DOCK8: variants seen among roughly 807,000 people sequenced by gnomAD.
DOCK8 encodes dedicator of cytokinesis protein 8.
A neutral mutation model predicts 245.6 loss-of-function variants in DOCK8; 141 were observed. The observed-to-expected ratio is 0.57, with a 90% CI of 0.50 to 0.66. The LOEUF is 0.66. Ranked by LOEUF, DOCK8 falls within the 30% of genes least tolerant of loss-of-function variation. DOCK8 has a pLI of 0.00. For missense variants in DOCK8, 2,965 were observed against 2,603.4 expected, an observed-to-expected ratio of 1.14 and a Z score of -3.02; for synonymous variants, 1,168 against 970.2, an observed-to-expected ratio of 1.20 and a Z score of -3.79.
chr9:243,508 C>G (rs1284079839), intron 1 of DOCK8, among the ~76,000 whole-genome samples: 1 of 152,156 alleles, frequency 6.6e-6, no homozygotes, highest in African/African-American at 2.4e-5. Context: ...TTCTTGGCCT[C>G]TTTGCTGAGA....
At chr9:357,954 A>G (rs971328984) in intron 14 of DOCK8, among the ~76,000 whole-genome samples, 12 of 152,352 alleles carry the variant, frequency 7.9e-5, no homozygotes, top group Middle Eastern at 3.4e-3. Flanking sequence ...TATCTAACCT[A>G]AAACATTGGA....
chr9:226,293 G>GA (rs2046988626), intron 1 of DOCK8, among the ~76,000 whole-genome samples: 1 of 152,136 alleles, frequency 6.6e-6, no homozygotes, highest in African/African-American at 2.4e-5. Flanking sequence ...ATAGCATGAG[G>GA]AAAAACCTGC....
intron 5 of DOCK8, among the ~76,000 whole-genome samples, chr9:311,470 C>G (rs2050109762): frequency 6.8e-6 from 1 of 147,396 alleles, no homozygotes; most frequent in African/African-American, 2.5e-5. Flanking sequence ...CCAGGCTAGT[C>G]TTGAACTCCC....
At chr9:417,787 G>T (rs985977346) in intron 29 of DOCK8, among the ~76,000 whole-genome samples, 1 of 152,172 alleles carries the variant, frequency 6.6e-6, no homozygotes, top group Non-Finnish European at 1.5e-5. Context: ...AATAGAGAAT[G>T]AAGTTTAAAA....
chr9:307,329 GTTTTTTTTGTTTTTTTTTTTTTTTTTT>G (rs2049883872), intron 5 of DOCK8, among the ~76,000 whole-genome samples: 2 of 75,144 alleles, frequency 2.7e-5, no homozygotes, highest in South Asian at 5.4e-4. Context: ...GTTGTGTGTG[GTTTTTTTTGTTTTTTTTTTTTTTTTTT>G]TTTTTTTTTT....
At position 371,169 on chromosome 9, in the gene DOCK8, AGTT is replaced by A. The variant is rs980616747; in HGVS notation, c.1869-255_1869-253del. Among the ~76,000 whole-genome samples the A allele has an allele frequency of 4.1e-4, 58 of 140,376 alleles. 1 individual carries two copies. Among genetic ancestry groups the A allele is most frequent in the African/African-American group, 1.7e-3 (55 of 32,536 alleles). 92.1% of individuals were successfully genotyped at this position (140,376 alleles called of 152,430 possible). A position where few individuals can be genotyped will look rare whatever the true frequency, so the allele number is the denominator to read the frequency against. On this transcript the variant is annotated intron_variant, in intron 16 of 47. Transcript: ENST00000432829. ...GTTGGAGTTTTCCATTGTGTGGGGGAGTTGTTTTTTGTTTTTTGTTTTTTGTTT... is the reference window on the plus strand; with the variant it reads ...GTTGGAGTTTTCCATTGTGTGGGGGAGTTTTTTGTTTTTTGTTTTTTGTTT...
At chr9:392,765 G>A (rs1458106043) in intron 24 of DOCK8, among the ~76,000 whole-genome samples, 2 of 152,100 alleles carry the variant, frequency 1.3e-5, no homozygotes, top group African/African-American at 4.8e-5. Context: ...TGCTCTGGCA[G>A]GAAAGGGACT....
chr9:214,242 A>G, upstream of DOCK8: 2 of 458,814 alleles, frequency 4.4e-6, no homozygotes, highest in South Asian at 5.0e-5. Context: ...ACCTGGACGC[A>G]GCGTACCCTT....
In DOCK8 at chr9:271,497, ATCTTAG is replaced by A. The variant is rs372036425; in HGVS notation, c.54-127_54-122del. The A allele has an allele frequency of 5.9e-5, 41 of 700,626 alleles. No individual in the cohort carries two copies. The African/African-American group carries it at 7.2e-4, about 12-fold the overall frequency. The allele number at this position is 700,626 out of a possible 1,614,324, so 43.4% of individuals were successfully genotyped here. A position where few individuals can be genotyped will look rare whatever the true frequency, so the allele number is the denominator to read the frequency against. On this transcript the variant is annotated intron_variant, in intron 1 of 47. Coordinates refer to ENST00000432829, the MANE Select transcript of DOCK8 (RefSeq NM_203447.4). ...TCCACTAACAGGCCACTGAAAAGGT[ATCTTAG>A]TCAGTTCTGCTCATTGCCCAGCCAA...
At chr9:226,994 A>T (rs537404921) in intron 1 of DOCK8, among the ~76,000 whole-genome samples, 2 of 152,212 alleles carry the variant, frequency 1.3e-5, no homozygotes, top group Non-Finnish European at 2.9e-5. Context: ...CTCTGCAGAG[A>T]TAAATGATCA....
At chr9:245,261 G>T (rs576692560) in intron 1 of DOCK8, among the ~76,000 whole-genome samples, 8 of 152,228 alleles carry the variant, frequency 5.3e-5, no homozygotes, top group African/African-American at 1.9e-4. Context: ...CTGGAGTGCA[G>T]TGGCACAATC....
intron 30 of DOCK8, among the ~76,000 whole-genome samples, chr9:418,670 G>A (rs938429585): frequency 6.6e-6 from 1 of 152,210 alleles, no homozygotes; most frequent in African/African-American, 2.4e-5. Flanking sequence ...CAGCTGAGGT[G>A]CACACAAGTC....
chr9:350,611 C>A (rs1249938816), intron 14 of DOCK8, among the ~76,000 whole-genome samples: 4 of 152,138 alleles, frequency 2.6e-5, no homozygotes, highest in Admixed American at 6.5e-5. Context: ...CGAGCCAACC[C>A]ACGGAGGAAG....
intron 14 of DOCK8, 65 bp from the exon 15 acceptor site, chr9:367,953 C>T: frequency 7.4e-7 from 1 of 1,355,004 alleles, no homozygotes; most frequent in Non-Finnish European, 1.1e-6. Context: ...TCAGCATTTG[C>T]TGAAGAACTT....
chr9:285,339 C>G (rs2048774401), intron 2 of DOCK8, among the ~76,000 whole-genome samples: 1 of 152,168 alleles, frequency 6.6e-6, no homozygotes, highest in South Asian at 2.1e-4. Flanking sequence ...CGATGAAAAA[C>G]TGGTTTCGTT....
intron 26 of DOCK8, among the ~76,000 whole-genome samples, chr9:403,909 TATATATA>T (rs2055248268): frequency 6.8e-5 from 6 of 87,748 alleles, no homozygotes; most frequent in African/African-American, 3.9e-4. Context: ...TATATATATA[TATATATA>T]CATATATATA....
rs764962252 is a variant in DOCK8, at chr9:377,075, G to A, written c.2304G>A (p.Ala768=). The A allele has an allele frequency of 5.6e-6, 9 of 1,612,992 alleles. No homozygotes were observed. The East Asian group carries it at 6.7e-5, about 12-fold the overall frequency. The change falls in exon 20 of 48, where the codon GCG becomes GCA. Residue 768 remains alanine, a synonymous_variant. Coordinates refer to ENST00000432829, the MANE Select transcript of DOCK8 (RefSeq NM_203447.4). ...TGGATCAGAAAATCAGCGAGATGGCGCTGGAGCATGAGCTGAAGCTCAGCA... is the reference window on the plus strand; with the variant it reads ...TGGATCAGAAAATCAGCGAGATGGCACTGGAGCATGAGCTGAAGCTCAGCA... The part of the protein sequence containing the change: ...RVLDQKISEM[A]LEHELKLSII...
At chr9:261,369 A>G (rs944720953) in intron 1 of DOCK8, among the ~76,000 whole-genome samples, 5 of 152,340 alleles carry the variant, frequency 3.3e-5, no homozygotes, top group Non-Finnish European at 7.3e-5. Context: ...GGAAAGAAAG[A>G]TATGCTTAAA....
At chr9:240,323 A>G (rs1372936722) in intron 1 of DOCK8, among the ~76,000 whole-genome samples, 1 of 152,100 alleles carries the variant, frequency 6.6e-6, no homozygotes, top group Non-Finnish European at 1.5e-5. Flanking sequence ...CAGCAAACTT[A>G]AAGATGTGTT....
Sources: gnomAD v4.1 joint callset for allele counts (sites outside exome capture counted in the v4.1 genomes callset) on GRCh38, gnomAD v4.1.1 for gene constraint, MANE v1.5 for transcripts, NCBI Gene and HGNC (gene_info 2026-07-23, HGNC 2026-07-21) for gene names.